Variants in SPSB4 observed in about 807,000 individuals in gnomAD.
The protein encoded by SPSB4 is SPRY domain-containing SOCS box protein 4.
In SPSB4, 21 loss-of-function variants were observed where a neutral mutation model predicts 20.9. That is an observed-to-expected ratio of 1.01 (90% CI 0.71 to 1.45). SPSB4 has a LOEUF of 1.45. SPSB4 is among the 40% of genes most tolerant of loss of function. The pLI is 0.00. For synonymous variants in SPSB4, 207 were observed against 183.8 expected, an observed-to-expected ratio of 1.13 and a Z score of -1.02; for missense variants, 399 against 399.2, an observed-to-expected ratio of 1.00 and a Z score of 0.00.
chr3:141,106,086 C>T (rs377374280), intron 2 of SPSB4, among the ~76,000 whole-genome samples: 2 of 152,332 alleles, frequency 1.3e-5, no homozygotes, highest in African/African-American at 4.8e-5. Flanking sequence ...GTGCTCTGCC[C>T]TAGACTGGCC....
chr3:141,098,710 C>T (rs1938577875), intron 2 of SPSB4, among the ~76,000 whole-genome samples: 5 of 152,204 alleles, frequency 3.3e-5, no homozygotes, highest in Admixed American at 3.3e-4. Context: ...ATCAAATCTT[C>T]TGCAGATAAT....
intron 2 of SPSB4, among the ~76,000 whole-genome samples, chr3:141,090,859 A>G (rs1938438691): frequency 6.6e-6 from 1 of 152,246 alleles, no homozygotes; most frequent in African/African-American, 2.4e-5. Flanking sequence ...GGCTATTTCA[A>G]TTAAGGTAAG....
chr3:141,066,398 C>G lies in SPSB4; in HGVS notation c.294C>G (p.His98Gln), dbSNP rs1438421059. The change falls in exon 2 of 3, where the codon CAC (histidine) becomes CAG (glutamine). Residue 98 changes from histidine (H) to glutamine (Q), a missense_variant. Coordinates refer to ENST00000310546, the MANE Select transcript of SPSB4 (RefSeq NM_080862.3). ...RGKVGHARGL[H>Q]AWQINWPARQ... ...AGGTGGGCCACGCCCGCGGCCTGCACGCCTGGCAGATCAACTGGCCGGCTC... is the reference window on the plus strand; with the variant it reads ...AGGTGGGCCACGCCCGCGGCCTGCAGGCCTGGCAGATCAACTGGCCGGCTC... The G allele has an allele frequency of 3.3e-6, 5 of 1,537,044 alleles. No homozygotes were observed. Among genetic ancestry groups the G allele is most frequent in the Non-Finnish European group, 3.5e-6 (4 of 1,142,978 alleles).
intron 2 of SPSB4, among the ~76,000 whole-genome samples, chr3:141,101,372 G>C (rs778105447): frequency 4.6e-5 from 7 of 152,204 alleles, no homozygotes; most frequent in Non-Finnish European, 1.0e-4. Context: ...TTCTTTCCAT[G>C]ATAGCACTTT....
chr3:141,086,744 G>A (rs1413486430), intron 2 of SPSB4, among the ~76,000 whole-genome samples: 1 of 152,194 alleles, frequency 6.6e-6, no homozygotes, highest in East Asian at 1.9e-4. Flanking sequence ...TTAGAACTAT[G>A]GTGAAGATTA....
intron 1 of SPSB4, among the ~76,000 whole-genome samples, chr3:141,061,965 C>A (rs529989877): frequency 6.6e-6 from 1 of 152,190 alleles, no homozygotes; most frequent in South Asian, 2.1e-4. Flanking sequence ...GAACTCTTGA[C>A]CTCAAATGAT....
chr3:141,127,242 A>G (rs1939063765), intron 2 of SPSB4, among the ~76,000 whole-genome samples: 1 of 152,266 alleles, frequency 6.6e-6, no homozygotes, highest in Non-Finnish European at 1.5e-5. Context: ...ACTGTTGGCC[A>G]GGAAGGCAGA....
intron 2 of SPSB4, among the ~76,000 whole-genome samples, chr3:141,129,498 C>T (rs1383938947): frequency 6.6e-6 from 1 of 152,216 alleles, no homozygotes; most frequent in Non-Finnish European, 1.5e-5. Flanking sequence ...TCCTGTTGCA[C>T]CTGCTTCCTG....
rs34223433 is a variant in SPSB4, at chr3:141,111,354, C to CTTTTTTT, written c.695-35768_695-35762dup. ...CCTAATTACTAAACCCTGGAACTTGCTTTTTTTTTTTTTTTTTTTTTTTTT... is the reference window on the plus strand; with the variant it reads ...CCTAATTACTAAACCCTGGAACTTGCTTTTTTTTTTTTTTTTTTTTTTTTTTTTTTTT... On this transcript the variant is annotated intron_variant, in intron 2 of 2. Transcript: ENST00000310546. Among the ~76,000 whole-genome samples, 22 of 61,808 alleles carry CTTTTTTT rather than the reference C, an allele frequency of 3.6e-4. 1 individual carries two copies. Among genetic ancestry groups the CTTTTTTT allele is most frequent in the East Asian group, 6.3e-4 (1 of 1,598 alleles). The allele number at this position is 61,808 out of a possible 152,430, so 40.5% of individuals were successfully genotyped here.
intron 2 of SPSB4, among the ~76,000 whole-genome samples, chr3:141,075,796 C>T (rs1171910796): frequency 6.6e-6 from 1 of 151,350 alleles, no homozygotes; most frequent in Non-Finnish European, 1.5e-5. Flanking sequence ...CTTGTAATCC[C>T]AGCACTTTGG....
intron 2 of SPSB4, among the ~76,000 whole-genome samples, chr3:141,145,935 T>C (rs1939406522): frequency 6.6e-6 from 1 of 152,200 alleles, no homozygotes; most frequent in Admixed American, 6.5e-5. Context: ...CCCCATTATG[T>C]GTCCTCTCTG....
intron 2 of SPSB4, chr3:141,080,528 G>A (rs1377427211): frequency 6.6e-6 from 1 of 152,430 alleles, no homozygotes; most frequent in Non-Finnish European, 1.5e-5. Context: ...TGTGACATAT[G>A]TCCCCCGCCT....
chr3:141,056,665 G>A (rs781455023), intron 1 of SPSB4, among the ~76,000 whole-genome samples: 31 of 152,214 alleles, frequency 2.0e-4, no homozygotes, highest in African/African-American at 6.3e-4. Context: ...TTTCATCATC[G>A]TTTTCCCCAG....
intron 2 of SPSB4, among the ~76,000 whole-genome samples, chr3:141,109,598 G>A (rs1938761072): frequency 6.6e-6 from 1 of 152,030 alleles, no homozygotes; most frequent in African/African-American, 2.4e-5. Context: ...CATCGGCCTC[G>A]TGATGTGGAT....
At chr3:141,067,004 A>G (rs920269311) in intron 2 of SPSB4, among the ~76,000 whole-genome samples, 3 of 152,226 alleles carry the variant, frequency 2.0e-5, no homozygotes, top group African/African-American at 7.2e-5. Context: ...TCACGATGAT[A>G]GTAATCTAGC....
intron 1 of SPSB4, among the ~76,000 whole-genome samples, chr3:141,063,088 G>A (rs915233374): frequency 3.9e-5 from 6 of 152,074 alleles, no homozygotes; most frequent in East Asian, 1.9e-4. Flanking sequence ...ATTGTGGATC[G>A]CATTCTTTAT....
At chr3:141,074,971 C>T (rs1938078095) in intron 2 of SPSB4, among the ~76,000 whole-genome samples, 1 of 152,200 alleles carries the variant, frequency 6.6e-6, no homozygotes, top group East Asian at 1.9e-4. Flanking sequence ...GCAAGACCCA[C>T]CTTTTACAGA....
At chr3:141,079,976 A>G (rs1938197031) in intron 2 of SPSB4, among the ~76,000 whole-genome samples, 1 of 152,194 alleles carries the variant, frequency 6.6e-6, no homozygotes, top group Non-Finnish European at 1.5e-5. Context: ...AGACACCAAC[A>G]TGTCTTTCCA....
intron 2 of SPSB4, among the ~76,000 whole-genome samples, chr3:141,088,390 C>A (rs12631984): frequency 0.023 from 3,461 of 152,308 alleles, 224 homozygotes; most frequent in East Asian, 0.14. Context: ...TTATGTACTT[C>A]CAAATCAACA....
Sources: gnomAD v4.1 joint callset for allele counts (sites outside exome capture counted in the v4.1 genomes callset) on GRCh38, gnomAD v4.1.1 for gene constraint, MANE v1.5 for transcripts, NCBI Gene and HGNC (gene_info 2026-07-23, HGNC 2026-07-21) for gene names.